LRP1B: variants seen among roughly 807,000 people sequenced by gnomAD.
The protein encoded by LRP1B is LDL receptor related protein 1B.
Under a neutral mutation model 556.6 loss-of-function variants are expected in LRP1B, and 217 were observed. That is an observed-to-expected ratio of 0.39 (90% CI 0.35 to 0.44). The LOEUF is 0.44. Among genes scored for constraint, LRP1B ranks in the 20% least tolerant of loss-of-function variants. LRP1B has a pLI of 1.00. For synonymous variants in LRP1B, 2,047 were observed against 1,865.8 expected (o/e 1.10, Z -2.50); for missense variants, 5,053 against 5,620.8 (o/e 0.90, Z 3.23).
At chr2:141,697,538 T>C (rs2105455956) in intron 2 of LRP1B, among the ~76,000 whole-genome samples, 1 of 152,070 alleles carries the variant, frequency 6.6e-6, no homozygotes, top group African/African-American at 2.4e-5. Flanking sequence ...GGAAAGTAAA[T>C]ATAGATAGTT....
At chr2:141,098,571 T>G (rs974502341) in intron 7 of LRP1B, among the ~76,000 whole-genome samples, 1 of 152,220 alleles carries the variant, frequency 6.6e-6, no homozygotes, top group Non-Finnish European at 1.5e-5. Context: ...CATCTTAGCT[T>G]ACATGAGGAC....
intron 3 of LRP1B, among the ~76,000 whole-genome samples, chr2:141,265,226 G>A (rs1052249464): frequency 6.6e-6 from 1 of 152,178 alleles, no homozygotes; most frequent in Non-Finnish European, 1.5e-5. Flanking sequence ...CGGCTGCAGA[G>A]GTGGAAGGAC....
intron 86 of LRP1B, among the ~76,000 whole-genome samples, chr2:140,264,715 TGTGTGTG>T: frequency 1.5e-5 from 1 of 67,206 alleles, no homozygotes; most frequent in Non-Finnish European, 3.0e-5. Flanking sequence ...TGTGTGTGTG[TGTGTGTG>T]TGTGTGTGTG....
At chr2:140,897,213 T>C (rs1693979493) in intron 23 of LRP1B, among the ~76,000 whole-genome samples, 1 of 152,160 alleles carries the variant, frequency 6.6e-6, no homozygotes, top group Non-Finnish European at 1.5e-5. Flanking sequence ...AATCATATGG[T>C]ACTGCTAGAG....
intron 3 of LRP1B, among the ~76,000 whole-genome samples, chr2:141,280,257 G>T (rs1364061199): frequency 6.6e-6 from 1 of 152,004 alleles, no homozygotes; most frequent in Admixed American, 6.5e-5. Context: ...TTACATGAGT[G>T]CAAACAGTCC....
At chr2:141,065,941 G>A (rs906768846) in intron 7 of LRP1B, among the ~76,000 whole-genome samples, 13 of 151,768 alleles carry the variant, frequency 8.6e-5, no homozygotes, top group Non-Finnish European at 1.3e-4. Context: ...ATTCCCTTAG[G>A]ATTGCAATAC....
intron 35 of LRP1B, among the ~76,000 whole-genome samples, chr2:140,738,409 C>A (rs372810075): frequency 6.6e-6 from 1 of 152,086 alleles, no homozygotes; most frequent in African/African-American, 2.4e-5. Flanking sequence ...CTGTGTGGCA[C>A]ATGGGATGGT....
At chr2:141,197,031 T>A (rs149752705) in intron 6 of LRP1B, among the ~76,000 whole-genome samples, 68 of 152,294 alleles carry the variant, frequency 4.5e-4, no homozygotes, top group African/African-American at 1.4e-3. Context: ...TGCCACCATG[T>A]AAGACATGAT....
At chr2:140,566,965 G>A (rs930286896) in intron 43 of LRP1B, among the ~76,000 whole-genome samples, 2 of 152,018 alleles carry the variant, frequency 1.3e-5, no homozygotes, top group Non-Finnish European at 2.9e-5. Context: ...CCTCACCCCC[G>A]ATCCTGAGCT....
chr2:141,407,016 A>G (rs1042712594), intron 3 of LRP1B, among the ~76,000 whole-genome samples: 1 of 152,178 alleles, frequency 6.6e-6, no homozygotes, highest in Non-Finnish European at 1.5e-5. Flanking sequence ...GATCACATCT[A>G]CAATATTTCT....
At chr2:140,661,938 T>G (rs1315186855) in intron 41 of LRP1B, among the ~76,000 whole-genome samples, 1 of 152,178 alleles carries the variant, frequency 6.6e-6, no homozygotes, top group African/African-American at 2.4e-5. Flanking sequence ...ATTTATCTAA[T>G]TGAAACACTT....
At chr2:140,486,601 T>C (rs1688483492) in intron 58 of LRP1B, among the ~76,000 whole-genome samples, 1 of 151,824 alleles carries the variant, frequency 6.6e-6, no homozygotes, top group Admixed American at 6.6e-5. Context: ...TAAAAAAATA[T>C]AAAGGTAATT....
chr2:141,993,429 A>ATTTT (rs10678590), intron 1 of LRP1B, among the ~76,000 whole-genome samples: 128,658 of 151,470 alleles, frequency 0.85, 54,734 homozygotes, highest in East Asian at 0.93. Context: ...GGAGCAGGAA[A>ATTTT]TTTTTCCCCT....
intron 7 of LRP1B, among the ~76,000 whole-genome samples, chr2:141,177,922 G>C (rs1680807668): frequency 2.0e-5 from 3 of 152,092 alleles, no homozygotes; most frequent in Non-Finnish European, 4.4e-5. Flanking sequence ...TGACCTCAAA[G>C]CAGCCACCTA....
intron 31 of LRP1B, among the ~76,000 whole-genome samples, chr2:140,828,789 C>CAA (rs57621380): frequency 4.7e-3 from 37 of 7,884 alleles, no homozygotes; most frequent in East Asian, 0.016. Flanking sequence ...GACTCCGTCT[C>CAA]AAAAAAAAAA....
chr2:140,760,435 A>T (rs2104913752), intron 35 of LRP1B, among the ~76,000 whole-genome samples: 1 of 152,280 alleles, frequency 6.6e-6, no homozygotes, highest in Non-Finnish European at 1.5e-5. Context: ...AATTTCCCCC[A>T]CTTGATAAAC....
chr2:141,676,352 C>A (rs538886974), intron 2 of LRP1B, among the ~76,000 whole-genome samples: 1 of 152,196 alleles, frequency 6.6e-6, no homozygotes, highest in African/African-American at 2.4e-5. Flanking sequence ...GACCATTGTT[C>A]CAAATCCTAC....
chr2:141,267,082 A>T (rs887205768), intron 3 of LRP1B, among the ~76,000 whole-genome samples: 1 of 152,198 alleles, frequency 6.6e-6, no homozygotes, highest in Admixed American at 6.5e-5. Context: ...CAGTAGAAGT[A>T]CTTAGCTTGG....
intron 32 of LRP1B, among the ~76,000 whole-genome samples, chr2:140,788,689 C>T (rs1689998293): frequency 6.6e-6 from 1 of 152,192 alleles, no homozygotes; most frequent in Non-Finnish European, 1.5e-5. Context: ...GCTAAGAAGA[C>T]TCTGCTTAAG....
Sources: allele counts gnomAD v4.1 joint callset (sites outside exome capture counted in the v4.1 genomes callset), GRCh38; gene constraint gnomAD v4.1.1; transcripts MANE v1.5; gene names NCBI Gene and HGNC (gene_info 2026-07-23, HGNC 2026-07-21).